RYR2: variants seen among roughly 807,000 people sequenced by gnomAD.
RYR2 encodes ryanodine receptor 2, also known as cardiac muscle ryanodine receptor-calcium release channel.
Under a neutral mutation model 601.1 loss-of-function variants are expected in RYR2, and 227 were observed. The observed-to-expected ratio is 0.38, with a 90% CI of 0.34 to 0.42. The LOEUF (loss-of-function observed/expected upper bound fraction) is 0.42. Among genes scored for constraint, RYR2 ranks in the 10% least tolerant of loss-of-function variants. The probability of loss-of-function intolerance (pLI) is 1.00; values close to 1 mark genes in which losing one functional copy is unlikely to be tolerated. For missense variants in RYR2, 4,646 were observed against 6,156.5 expected, an observed-to-expected ratio of 0.75 and a Z score of 8.21; for synonymous variants, 2,223 against 2,175.1, an observed-to-expected ratio of 1.02 and a Z score of -0.61.
intron 10 of RYR2, among the ~76,000 whole-genome samples, chr1:237,413,259 A>G (rs191661115): frequency 6.1e-4 from 93 of 152,280 alleles, no homozygotes; most frequent in African/African-American, 2.2e-3. Context: ...TGAAACTTTT[A>G]AAAAAATATG....
intron 1 of RYR2, among the ~76,000 whole-genome samples, chr1:237,238,160 G>T (rs1685785943): frequency 6.6e-6 from 1 of 151,806 alleles, no homozygotes; most frequent in Non-Finnish European, 1.5e-5. Flanking sequence ...GTAGAGACAG[G>T]GATTTCACCA....
At chr1:237,716,028 A>G (rs1689238419) in intron 71 of RYR2, among the ~76,000 whole-genome samples, 1 of 152,172 alleles carries the variant, frequency 6.6e-6, no homozygotes, top group South Asian at 2.1e-4. Context: ...GATTCATGCA[A>G]TAAGCATATC....
chr1:237,221,150 G>A (rs1473445537), intron 1 of RYR2, among the ~76,000 whole-genome samples: 1 of 152,048 alleles, frequency 6.6e-6, no homozygotes, highest in Non-Finnish European at 1.5e-5. Context: ...TTGGGGATAG[G>A]TCTGCTTGTC....
intron 76 of RYR2, among the ~76,000 whole-genome samples, chr1:237,729,746 G>A (rs1350495466): frequency 1.3e-5 from 2 of 152,034 alleles, no homozygotes; most frequent in African/African-American, 4.8e-5. Context: ...TTTAATCTTT[G>A]AGTATGTACT....
chr1:237,343,821 GT>G (rs201175386), intron 3 of RYR2, among the ~76,000 whole-genome samples: 2,958 of 131,454 alleles, frequency 0.023, 36 homozygotes, highest in East Asian at 0.054. Flanking sequence ...GAGGTTTTTT[GT>G]TTTTTTTTTT....
At chr1:237,612,504 A>G (rs1195394406) in intron 36 of RYR2, among the ~76,000 whole-genome samples, 1 of 152,168 alleles carries the variant, frequency 6.6e-6, no homozygotes, top group Non-Finnish European at 1.5e-5. Context: ...AATTCTTTTT[A>G]TGTATTACAT....
In RYR2 at chr1:237,255,838, A is replaced by AGTGTGTGTGTGTGTGTGT. The variant is rs4006354; in HGVS notation, c.49-14641_49-14624dup. Among the ~76,000 whole-genome samples, 55 of 142,958 alleles carry AGTGTGTGTGTGTGTGTGT rather than the reference A, an allele frequency of 3.8e-4. 1 individual carries two copies. The highest frequency in any genetic ancestry group is 1.2e-3 in the African/African-American group (47 of 38,368). The allele number at this position is 142,958 out of a possible 152,430, so 93.8% of individuals were successfully genotyped here. A position where few individuals can be genotyped will look rare whatever the true frequency, so the allele number is the denominator to read the frequency against. ...TTCTAGTTGTGCTGCTTGCTATACC[A>AGTGTGTGTGTGTGTGTGT]GTGTGTGTGTGTGTGTGTGTGTGTG... is the stretch of plus-strand genomic sequence containing the variant. On this transcript the variant is annotated intron_variant, in intron 1 of 104. Transcript: ENST00000366574.
At chr1:237,320,624 C>T (rs116379134) in intron 2 of RYR2, among the ~76,000 whole-genome samples, 1 of 152,184 alleles carries the variant, frequency 6.6e-6, no homozygotes, top group African/African-American at 2.4e-5. Flanking sequence ...GGTATATACC[C>T]TGACCTAGTT....
At chr1:237,580,479 A>AG (rs1395228763) in intron 29 of RYR2, among the ~76,000 whole-genome samples, 1 of 151,872 alleles carries the variant, frequency 6.6e-6, no homozygotes, top group Non-Finnish European at 1.5e-5. Context: ...TAAAAAAAAA[A>AG]AAAATGAAGA....
At chr1:237,230,415 A>G (rs568454855) in intron 1 of RYR2, among the ~76,000 whole-genome samples, 1 of 152,354 alleles carries the variant, frequency 6.6e-6, no homozygotes, top group African/African-American at 2.4e-5. Context: ...ATCACTTGAA[A>G]TGAATAATCA....
At chr1:237,344,859 T>C (rs57205543) in intron 3 of RYR2, among the ~76,000 whole-genome samples, 10,006 of 152,092 alleles carry the variant, frequency 0.066, 363 homozygotes, top group African/African-American at 0.075. Flanking sequence ...TGGGCTGGAG[T>C]GCAGTGGCAC....
At chr1:237,699,247 G>T (rs1008461359) in intron 64 of RYR2, among the ~76,000 whole-genome samples, 1 of 152,112 alleles carries the variant, frequency 6.6e-6, no homozygotes, top group Non-Finnish European at 1.5e-5. Context: ...TTCTGTAGCA[G>T]CTAGGACCAT....
intron 3 of RYR2, among the ~76,000 whole-genome samples, chr1:237,332,336 CTT>C (rs1696829328): frequency 6.6e-6 from 1 of 152,008 alleles, no homozygotes; most frequent in South Asian, 2.1e-4. Context: ...ACTTTAGTGA[CTT>C]TTGATATTAG....
chr1:237,430,419 AT>A (rs1706687651), intron 12 of RYR2, among the ~76,000 whole-genome samples: 1 of 152,016 alleles, frequency 6.6e-6, no homozygotes, highest in Non-Finnish European at 1.5e-5. Context: ...TATTAAAGGT[AT>A]TACAAATATT....
intron 2 of RYR2, among the ~76,000 whole-genome samples, chr1:237,307,325 C>T (rs1261861664): frequency 6.6e-6 from 1 of 152,206 alleles, no homozygotes; most frequent in Non-Finnish European, 1.5e-5. Context: ...CCAGTTCCTT[C>T]TAACTACAGC....
chr1:237,805,721 T>G (rs1660565709), intron 98 of RYR2, among the ~76,000 whole-genome samples: 1 of 150,958 alleles, frequency 6.6e-6, no homozygotes, highest in South Asian at 2.1e-4. Context: ...GATATTTTGA[T>G]AAATATAATG....
chr1:237,314,213 C>T (rs1055905729), intron 2 of RYR2, among the ~76,000 whole-genome samples: 6 of 151,702 alleles, frequency 4.0e-5, no homozygotes, highest in African/African-American at 7.3e-5. Context: ...TACAGGCACC[C>T]GCAACCACGC....
At chr1:237,388,785 A>T (rs1228625673) in intron 10 of RYR2, among the ~76,000 whole-genome samples, 1 of 152,226 alleles carries the variant, frequency 6.6e-6, no homozygotes, top group African/African-American at 2.4e-5. Context: ...GCTCTACCTT[A>T]CAAATTAATC....
intron 40 of RYR2, among the ~76,000 whole-genome samples, chr1:237,627,369 C>T (rs532344770): frequency 2.2e-4 from 33 of 152,246 alleles, no homozygotes; most frequent in African/African-American, 7.5e-4. Context: ...ACTGAGGAGA[C>T]AGTTGGATAA....
Sources: gnomAD v4.1 joint callset for allele counts (sites outside exome capture counted in the v4.1 genomes callset) on GRCh38, gnomAD v4.1.1 for gene constraint, MANE v1.5 for transcripts, NCBI Gene and HGNC (gene_info 2026-07-23, HGNC 2026-07-21) for gene names.